Variants in SEPTIN4 observed in about 807,000 individuals in gnomAD.
SEPTIN4 encodes septin-4.
In SEPTIN4, 52 loss-of-function variants were observed where a neutral mutation model predicts 107.1. The ratio of observed to expected loss-of-function variants is 0.49; its 90% confidence interval spans 0.39 to 0.61. SEPTIN4 has a LOEUF of 0.61. Ranked by LOEUF, SEPTIN4 falls within the 20% of genes least tolerant of loss-of-function variation. The pLI is 0.00. For synonymous variants in SEPTIN4, 417 were observed against 467.0 expected (o/e 0.89, Z 1.38); for missense variants, 1,048 against 1,243.5 (o/e 0.84, Z 2.36).
intron 3 of SEPTIN4, chr17:58,528,086 C>A: frequency 1.0e-6 from 1 of 967,572 alleles, no homozygotes; most frequent in Non-Finnish European, 1.2e-6. Flanking sequence ...CACGTGCCAC[C>A]CCCAGACAAT....
intron 3 of SEPTIN4, among the ~76,000 whole-genome samples, chr17:58,532,852 G>A (rs1273202060): frequency 6.6e-6 from 1 of 152,194 alleles, no homozygotes; most frequent in East Asian, 1.9e-4. Flanking sequence ...GGCTCAGAAA[G>A]GTCAGAGCAG....
In SEPTIN4 at chr17:58,543,167, C is replaced by G; in HGVS notation, c.1020G>C (p.Gly340=). The change falls in exon 1 of 14, where the codon GGG becomes GGC. Residue 340 remains glycine, a synonymous_variant. Transcript: ENST00000672673. ...EVGRRVTISP[G]VQSVEPTHHV... is the part of the protein sequence containing the mutation. Reference sequence around the variant, plus strand: ...GGTGAGTTGGCTCTACTGACTGTACCCCTGGGGAGATGGTGACCCTGCGGC... The same window carrying G: ...GGTGAGTTGGCTCTACTGACTGTACGCCTGGGGAGATGGTGACCCTGCGGC... 6.2e-7 allele frequency: 1 copy of G among 1,613,830 alleles called. No homozygotes were observed. The highest frequency in any genetic ancestry group is 8.5e-7 in the Non-Finnish European group (1 of 1,179,862).
In SEPTIN4 at chr17:58,526,311, A is replaced by G; in HGVS notation, c.1914T>C (p.Asp638=). The change falls in exon 5 of 14, where the codon GAT becomes GAC. Residue 638 remains aspartate (D), a splice_region_variant and synonymous_variant. Coordinates refer to ENST00000672673, the MANE Select transcript of SEPTIN4 (RefSeq NM_001368771.2). ...GKLDPYDSSE[D]DKEYVGFATL... The stretch of plus-strand genomic sequence containing the variant: ...TTGCAAAGCCCACATACTCCTTGTC[A>G]TCCTAGTAGACAGGAAGGCAGAATG... 1 of 1,575,056 alleles carries G rather than the reference A, an allele frequency of 6.3e-7. No individual in the cohort carries two copies.
Position 58,542,960 on chromosome 17 carries a change from G to T in SEPTIN4, c.1227C>A (p.Thr409=), listed in dbSNP as rs2043921645. The T allele has an allele frequency of 3.7e-6, 6 of 1,614,046 alleles. No homozygotes were observed. Among genetic ancestry groups the T allele is most frequent in the Non-Finnish European group, 5.1e-6 (6 of 1,180,008 alleles). Reference sequence around the variant, plus strand: ...AGGACCGAGGAGGCAAGGGCCTAGGGGTCAGTTCCAGTTCTGCATGGATGG... The same window carrying T: ...AGGACCGAGGAGGCAAGGGCCTAGGTGTCAGTTCCAGTTCTGCATGGATGG... ...KPSIHAELEL[T]PRPLPPRSLP... is the part of the protein sequence containing the mutation. The change falls in exon 1 of 14, where the codon ACC becomes ACA. Residue 409 remains threonine, a synonymous_variant. Coordinates refer to ENST00000672673, the MANE Select transcript of SEPTIN4 (RefSeq NM_001368771.2).
chr17:58,525,383 G>A, intron 6 of SEPTIN4, 182 bp from the exon 7 acceptor site: 1 of 730,854 alleles, frequency 1.4e-6, no homozygotes, highest in Non-Finnish European at 2.2e-6. Flanking sequence ...CCCAACACAG[G>A]AAATGCCGGT....
chr17:58,522,043 TC>T lies in SEPTIN4; in HGVS notation c.2274del (p.Ser759ValfsTer3). 1 of 1,614,182 alleles carries T rather than the reference TC, an allele frequency of 6.2e-7. No homozygotes were observed. The highest frequency in any genetic ancestry group is 2.2e-5 in the East Asian group (1 of 44,876). On this transcript the variant is annotated frameshift_variant, in exon 8 of 14. Transcript: ENST00000672673. LOFTEE classifies it high-confidence loss of function. ...DQQFEQYFRD[E>X]SGLNRKNIQD... The stretch of plus-strand genomic sequence containing the variant: ...TGGATGTTCTTTCGGTTCAGGCCAC[TC>T]TCGTCTCGGAAATACTGCTCAAACT...
Position 58,544,115 on chromosome 17 carries a change from G to T in SEPTIN4, c.72C>A (p.Asn24Lys). 2 of 1,614,140 alleles carry T rather than the reference G, an allele frequency of 1.2e-6. No individual in the cohort carries two copies. The highest frequency in any genetic ancestry group is 4.5e-5 in the East Asian group (2 of 44,888). ...SAQRGSEVTT[N>K]TSPQQGHGYV... is the part of the protein sequence containing the mutation. ...ACCCATGTCCCTGCTGAGGGGATGT[G>T]TTAGTAGTAACCTCAGACCCTCTCT... The change falls in exon 1 of 14, where the codon AAC becomes AAA. Residue 24 changes from asparagine (N) to lysine (K), a missense_variant. This residue lies in a region of SEPTIN4 where 787 missense variants were observed against 871.8 expected (regional missense o/e 0.90). Transcript: ENST00000672673.
intron 3 of SEPTIN4, chr17:58,532,082 T>G: frequency 9.2e-7 from 1 of 1,089,862 alleles, no homozygotes. Context: ...TGCGGACCGC[T>G]GCGGGAGGGG....
rs991158364 is a variant in SEPTIN4, at chr17:58,541,965, A to G, written c.1563T>C (p.Asp521=). 4 of 1,613,704 alleles carry G rather than the reference A, an allele frequency of 2.5e-6. No individual in the cohort carries two copies. The African/African-American group carries it at 5.3e-5, about 22-fold the overall frequency. ...CACGATTGTACATTTCCTCAGAGAC[A>G]TCTGAAAGTAACAGAGAGATGGTTG... is the stretch of plus-strand genomic sequence containing the variant. ...PIQRFTAFFL[D]VSEEMYNRVI... The change falls in exon 2 of 14, where the codon GAT becomes GAC. Residue 521 remains aspartate, a splice_region_variant and synonymous_variant. Coordinates refer to ENST00000672673, the MANE Select transcript of SEPTIN4 (RefSeq NM_001368771.2).
In SEPTIN4 at chr17:58,543,716, A is replaced by G; in HGVS notation, c.471T>C (p.His157=). 1 of 1,614,148 alleles carries G rather than the reference A, an allele frequency of 6.2e-7. No individual in the cohort carries two copies. The highest frequency in any genetic ancestry group is 8.5e-7 in the Non-Finnish European group (1 of 1,180,034). Residue 157 remains histidine (H), a synonymous_variant, in exon 1 of 14, where the codon CAT becomes CAC. Transcript: ENST00000672673. The part of the protein sequence containing the change: ...ASSIPDAKST[H]QLSFQDQKNN... ...TCTTCTGGTCTTGAAAACTCAACTGATGAGTAGATTTGGCATCTGGGATTG... is the reference window on the plus strand; with the variant it reads ...TCTTCTGGTCTTGAAAACTCAACTGGTGAGTAGATTTGGCATCTGGGATTG...
intron 3 of SEPTIN4, chr17:58,531,797 C>T (rs1442625968): frequency 6.5e-6 from 4 of 615,206 alleles, no homozygotes; most frequent in Non-Finnish European, 8.4e-6. Context: ...GACGCACCGC[C>T]GCCCGGCAGC....
At chr17:58,530,640 G>A (rs1007806207) in intron 3 of SEPTIN4, 2 of 152,364 alleles carry the variant, frequency 1.3e-5, no homozygotes, top group Non-Finnish European at 2.9e-5. Context: ...ACTGAAGTTA[G>A]TGTGTGGCAG....
chr17:58,540,308 C>A (rs1483681838), intron 3 of SEPTIN4, among the ~76,000 whole-genome samples: 2 of 152,182 alleles, frequency 1.3e-5, no homozygotes, highest in East Asian at 1.9e-4. Context: ...CAGGTGGGGA[C>A]TGATCCAACG....
rs2043786493 is a variant in SEPTIN4, at chr17:58,538,377, A to C, written c.1614+2289T>G. 6.6e-6 allele frequency among the ~76,000 whole-genome samples: 1 copy of C among 152,232 alleles called. No individual in the cohort carries two copies. The highest frequency in any genetic ancestry group is 1.5e-5 in the Non-Finnish European group (1 of 68,040). On this transcript the variant is annotated intron_variant, in intron 3 of 13. Transcript: ENST00000672673. The surrounding 1 kb of genome is among the most constrained non-coding windows in gnomAD (Gnocchi z 4.7). ...CTATTTTCCAGAGTTGGTTTCTTGC[A>C]TAATTGATAGAGCAGAGAGTAAACC...
rs561237949 is a variant in SEPTIN4, at chr17:58,541,575, G to T, written c.1606+347C>A. On this transcript the variant is annotated intron_variant, in intron 2 of 13. Transcript: ENST00000672673. ...CCTGAATTAGCGTGAAGTCAACTCT[G>T]AGCAAGACTGTGAAGCAGGCGGTTT... is the stretch of plus-strand genomic sequence containing the variant. The T allele has an allele frequency of 2.3e-5, 11 of 469,472 alleles. No homozygotes were observed. The East Asian group carries it at 3.4e-4, about 14-fold the overall frequency. 29.1% of individuals were successfully genotyped at this position (469,472 alleles called of 1,614,324 possible).
Position 58,521,850 on chromosome 17 carries a change from G to A in SEPTIN4, c.2355C>T (p.Leu785=), listed in dbSNP as rs1026828168. 1.9e-6 allele frequency: 3 copies of A among 1,614,218 alleles called. No individual in the cohort carries two copies. The South Asian group carries it at 3.3e-5, about 18-fold the overall frequency. The part of the protein sequence containing the change: ...LYFISPFGHG[L]RPLDVEFMKA... ...TCATGAATTCAACATCCAATGGCCGGAGCCTGGGGAACAGGAACCTGTGAC... is the reference window on the plus strand; with the variant it reads ...TCATGAATTCAACATCCAATGGCCGAAGCCTGGGGAACAGGAACCTGTGAC... The change falls in exon 9 of 14, where the codon CTC becomes CTT. Residue 785 remains leucine (L), a synonymous_variant. Coordinates refer to ENST00000672673, the MANE Select transcript of SEPTIN4 (RefSeq NM_001368771.2). The surrounding 1 kb of genome is among the most constrained non-coding windows in gnomAD (Gnocchi z 6.4).
chr17:58,525,161 C>T lies in SEPTIN4; in HGVS notation c.2133G>A (p.Val711=), dbSNP rs1214627766. 1 of 1,614,174 alleles carries T rather than the reference C, an allele frequency of 6.2e-7. No individual in the cohort carries two copies. The highest frequency in any genetic ancestry group is 8.5e-7 in the Non-Finnish European group (1 of 1,180,034). ...MQTVEITKHA[V]DIEEKGVRLR... ...GCCTCACACCCTTCTCTTCTATGTC[C>T]ACTGCATGCTTAGTGATCTCCACAG... is the stretch of plus-strand genomic sequence containing the variant. The change falls in exon 7 of 14, where the codon GTG becomes GTA. Residue 711 remains valine, a synonymous_variant. Coordinates refer to ENST00000672673, the MANE Select transcript of SEPTIN4 (RefSeq NM_001368771.2).
rs762796511 is a variant in SEPTIN4, at chr17:58,521,846, G to T, written c.2359C>A (p.Pro787Thr). The T allele has an allele frequency of 1.9e-6, 3 of 1,614,062 alleles. No individual in the cohort carries two copies. The highest frequency in any genetic ancestry group is 8.5e-7 in the Non-Finnish European group (1 of 1,180,040). ...GCCTTCATGAATTCAACATCCAATG[G>T]CCGGAGCCTGGGGAACAGGAACCTG... Reference protein sequence around the residue: ...FISPFGHGLRPLDVEFMKALH... With the variant: ...FISPFGHGLRTLDVEFMKALH... The change falls in exon 9 of 14, where the codon CCA (proline) becomes ACA (threonine). Residue 787 changes from proline (P) to threonine (T), a missense_variant. Pro to Thr is a conservative substitution (Grantham distance 38). This residue lies in a region of SEPTIN4 where 261 missense variants were observed against 371.7 expected (regional missense o/e 0.70). Transcript: ENST00000672673. This position sits in a 1 kb window ranked among gnomAD's most constrained non-coding sequence, Gnocchi z 6.4.
At chr17:58,532,153 G>T (rs2043529092) in intron 3 of SEPTIN4, 10 of 1,026,154 alleles carry the variant, frequency 9.7e-6, no homozygotes, top group Non-Finnish European at 1.1e-5. Flanking sequence ...AGCTGCTAGC[G>T]GTGCCGGCGC....
Sources: gnomAD v4.1 joint callset for allele counts (sites outside exome capture counted in the v4.1 genomes callset) on GRCh38, gnomAD v4.1.1 for gene constraint, gnomAD v4.1.1 regional missense constraint, Gnocchi (gnomAD v3.1) non-coding constraint, MANE v1.5 for transcripts, NCBI Gene and HGNC (gene_info 2026-07-23, HGNC 2026-07-21) for gene names.